TTC31: variants seen among roughly 807,000 people sequenced by gnomAD.
TTC31 encodes tetratricopeptide repeat domain 31, also known as tetratricopeptide repeat protein 31.
A neutral mutation model predicts 60.4 loss-of-function variants in TTC31; 59 were observed. That is an observed-to-expected ratio of 0.98 (90% CI 0.79 to 1.21). The LOEUF (loss-of-function observed/expected upper bound fraction) is 1.21. TTC31 is among the 50% of genes most tolerant of loss of function. The probability of loss-of-function intolerance (pLI) is 0.00; values close to 1 mark genes in which losing one functional copy is unlikely to be tolerated. For synonymous variants in TTC31, 225 were observed against 249.6 expected, an observed-to-expected ratio of 0.90 and a Z score of 0.93; for missense variants, 672 against 646.9, an observed-to-expected ratio of 1.04 and a Z score of -0.42.
In TTC31 at chr2:74,491,642, G is replaced by A; in HGVS notation, c.846G>A (p.Glu282=). The change falls in exon 8 of 13, where the codon GAG becomes GAA. Residue 282 remains glutamate (E), a synonymous_variant. Transcript: ENST00000233623. The part of the protein sequence containing the change: ...MGQEEESPPR[E]ERPQQSPKVQ... ...AAGAGGAAGAGAGCCCTCCAAGAGAGGAGAGGCCCCAGCAGAGTCCAAAGG... is the reference window on the plus strand; with the variant it reads ...AAGAGGAAGAGAGCCCTCCAAGAGAAGAGAGGCCCCAGCAGAGTCCAAAGG... The A allele has an allele frequency of 6.2e-7, 1 of 1,614,204 alleles. No homozygotes were observed. The highest frequency in any genetic ancestry group is 8.5e-7 in the Non-Finnish European group (1 of 1,180,016).
chr2:74,489,916 A>T (rs1475509277), intron 2 of TTC31, 109 bp from the exon 3 acceptor site: 2 of 770,704 alleles, frequency 2.6e-6, no homozygotes, highest in East Asian at 5.4e-5. Flanking sequence ...TCTGGGCTGG[A>T]TAGCTGGTTG....
intron 12 of TTC31, 83 bp from the exon 13 acceptor site, chr2:74,492,839 G>T (rs1674091641): frequency 5.0e-6 from 8 of 1,586,122 alleles, no homozygotes; most frequent in South Asian, 3.4e-5. Flanking sequence ...CTAAGGAGGG[G>T]GCGGGGAAGG....
intron 2 of TTC31, among the ~76,000 whole-genome samples, chr2:74,488,971 G>A (rs1673493658): frequency 6.6e-6 from 1 of 152,142 alleles, no homozygotes. Context: ...CAGGAGAATC[G>A]CTTGAACACG....
chr2:74,483,713 G>A (rs1358831639), intron 2 of TTC31: 4 of 903,302 alleles, frequency 4.4e-6, no homozygotes, highest in Admixed American at 3.5e-5. Flanking sequence ...GCGGTGGCTT[G>A]TGCCTGTAAT....
intron 5 of TTC31, 144 bp downstream of exon 5, chr2:74,490,883 G>C (rs1673784480): frequency 2.3e-5 from 22 of 961,408 alleles, no homozygotes; most frequent in Non-Finnish European, 3.1e-5. Context: ...CCAGGGACTG[G>C]GGGGTCTCTC....
In TTC31 at chr2:74,491,352, C is replaced by T. The variant is rs1174103536; in HGVS notation, c.661C>T (p.Gln221Ter). Residue 221 changes from glutamine (Q) to a stop codon, truncating the protein, a stop_gained, in exon 7 of 13, where the codon CAG (glutamine) becomes TAG (stop). Transcript: ENST00000233623. LOFTEE classifies it high-confidence loss of function. ...CCCATCCAGCCCTGGAAACCCAGTTCAGGGACAGTGTGGTGAAGAAGAGGT... is the reference window on the plus strand; with the variant it reads ...CCCATCCAGCCCTGGAAACCCAGTTTAGGGACAGTGTGGTGAAGAAGAGGT... ...SPPSSPGNPV[Q>*]GQCGEEEDSL... 2 of 1,614,208 alleles carry T rather than the reference C, an allele frequency of 1.2e-6. No individual in the cohort carries two copies. The highest frequency in any genetic ancestry group is 1.7e-5 in the Admixed American group (1 of 60,030).
intron 2 of TTC31, among the ~76,000 whole-genome samples, chr2:74,485,024 C>CTTT (rs544658393): frequency 7.1e-4 from 87 of 122,914 alleles, no homozygotes; most frequent in African/African-American, 2.4e-3. Context: ...CTAAAATTTA[C>CTTT]TTTTTTTTTT....
intron 2 of TTC31, among the ~76,000 whole-genome samples, chr2:74,486,512 A>G (rs962899762): frequency 2.4e-4 from 36 of 152,366 alleles, no homozygotes; most frequent in African/African-American, 8.4e-4. Context: ...AATAAACAAC[A>G]TAGTATGTCA....
chr2:74,490,017 C>G lies in TTC31; in HGVS notation c.130-8C>G, dbSNP rs746817938. The stretch of plus-strand genomic sequence containing the variant: ...ACCAGCCTCCCCTCCCCTCCCCTCC[C>G]CTCCCAGGACATAGTGGATTTTCTT... On this transcript the variant is annotated splice_region_variant and splice_polypyrimidine_tract_variant and intron_variant, in intron 2 of 12. Coordinates refer to ENST00000233623, the MANE Select transcript of TTC31 (RefSeq NM_022492.6). 6 of 1,543,332 alleles carry G rather than the reference C, an allele frequency of 3.9e-6. No individual in the cohort carries two copies. Among genetic ancestry groups the G allele is most frequent in the Non-Finnish European group, 5.3e-6 (6 of 1,138,862 alleles).
At chr2:74,487,437 C>T (rs573638673) in intron 2 of TTC31, among the ~76,000 whole-genome samples, 2 of 152,046 alleles carry the variant, frequency 1.3e-5, no homozygotes, top group East Asian at 1.9e-4. Flanking sequence ...AGGCTGGTCT[C>T]GAACTCCTGA....
chr2:74,492,379 C>T lies in TTC31; in HGVS notation c.1095C>T (p.Ala365=). 1.3e-6 allele frequency: 2 copies of T among 1,539,954 alleles called. No homozygotes were observed. The highest frequency in any genetic ancestry group is 1.7e-6 in the Non-Finnish European group (2 of 1,143,416). The part of the protein sequence containing the change: ...PAWALADAQV[A]LTLRPGWPRG... Reference sequence around the variant, plus strand: ...GGGCCCTGGCTGATGCCCAGGTGGCCCTTACCCTACGGCCTGGCTGGCCCC... The same window carrying T: ...GGGCCCTGGCTGATGCCCAGGTGGCTCTTACCCTACGGCCTGGCTGGCCCC... The change falls in exon 11 of 13, where the codon GCC becomes GCT. Residue 365 remains alanine (A), a synonymous_variant. Transcript: ENST00000233623.
chr2:74,492,518 C>A, intron 11 of TTC31, 73 bp downstream of exon 11: 2 of 1,532,470 alleles, frequency 1.3e-6, no homozygotes, highest in South Asian at 2.6e-5. Flanking sequence ...TGTTGACTTT[C>A]TAGATAAGCT....
rs1391920182 is a variant in TTC31, at chr2:74,492,151, G to A, written c.941G>A (p.Ser314Asn). The change falls in exon 10 of 13, where the codon AGC (serine) becomes AAC (asparagine). Residue 314 changes from serine (S) to asparagine (N), a missense_variant. Ser to Asn is a conservative substitution (Grantham distance 46). Transcript: ENST00000233623. ...QSQELAKLGT[S>N]FAQNGFYHEA... ...CTTTCCTTTCCAGAGTTGGGTACCA[G>A]CTTTGCTCAAAATGGTTTCTACCAT... 6.2e-7 allele frequency: 1 copy of A among 1,614,212 alleles called. No individual in the cohort carries two copies. The highest frequency in any genetic ancestry group is 1.1e-5 in the South Asian group (1 of 91,092).
chr2:74,491,840 G>A (rs1673932679), intron 8 of TTC31, 164 bp from the exon 9 acceptor site: 1 of 1,396,360 alleles, frequency 7.2e-7, no homozygotes, highest in East Asian at 2.5e-5. Flanking sequence ...GACCCCGGGT[G>A]GTTTCCTGTC....
At position 74,490,689 on chromosome 2, in the gene TTC31, G is replaced by A; in HGVS notation, c.496G>A (p.Glu166Lys). Residue 166 changes from glutamate (E) to lysine (K), a missense_variant, in exon 5 of 13, where the codon GAG becomes AAG. By Grantham distance (56) the Glu-to-Lys change is moderately conservative (BLOSUM62 1). Transcript: ENST00000233623. ...ANRLAEELVAEEERMKQKAEK... is the reference protein window; with the variant it reads ...ANRLAEELVAKEERMKQKAEK... ...TCGCCTGGCTGAGGAGCTGGTGGCT[G>A]AGGAGGAGCGCATGAAACAGAAAGC... 6.2e-7 allele frequency: 1 copy of A among 1,613,882 alleles called. No homozygotes were observed. Among genetic ancestry groups the A allele is most frequent in the Non-Finnish European group, 8.5e-7 (1 of 1,179,940 alleles).
Position 74,493,049 on chromosome 2 carries a change from C to A in TTC31, c.1391C>A (p.Ser464Tyr). The A allele has an allele frequency of 1.2e-6, 2 of 1,614,150 alleles. No homozygotes were observed. The highest frequency in any genetic ancestry group is 2.2e-5 in the East Asian group (1 of 44,890). The part of the protein sequence containing the change: ...LRCPRSTALR[S>Y]PGLSPLLHYP... ...TGCCCTCGAAGCACTGCTTTGAGGTCCCCTGGCCTGTCTCCACTCTTGCAT... is the reference window on the plus strand; with the variant it reads ...TGCCCTCGAAGCACTGCTTTGAGGTACCCTGGCCTGTCTCCACTCTTGCAT... The change falls in exon 13 of 13, where the codon TCC (serine) becomes TAC (tyrosine). Residue 464 changes from serine to tyrosine, a missense_variant. Coordinates refer to ENST00000233623, the MANE Select transcript of TTC31 (RefSeq NM_022492.6).
rs1329731533 is a variant in TTC31 at position 74,490,075 on chromosome 2, G to A, written c.180G>A (p.Leu60=). 2 of 1,586,010 alleles carry A rather than the reference G, an allele frequency of 1.3e-6. No homozygotes were observed. The highest frequency in any genetic ancestry group is 1.3e-5 in the African/African-American group (1 of 74,498). ...RRLVESDPQG[L]HRIHVDGSSG... ...TTGTGGAGAGTGATCCCCAGGGCCT[G>A]CACCGGATCCATGTGGATGGGAGCA... The change falls in exon 3 of 13, where the codon CTG becomes CTA. Residue 60 remains leucine, a synonymous_variant. Transcript: ENST00000233623.
At chr2:74,487,964 G>C (rs374686922) in intron 2 of TTC31, among the ~76,000 whole-genome samples, 6 of 152,094 alleles carry the variant, frequency 3.9e-5, no homozygotes, top group Non-Finnish European at 8.8e-5. Flanking sequence ...ACAGGCGTGA[G>C]CCACCATGCC....
chr2:74,485,534 G>A (rs2104114566), intron 2 of TTC31, among the ~76,000 whole-genome samples: 1 of 147,062 alleles, frequency 6.8e-6, no homozygotes, highest in Non-Finnish European at 1.5e-5. Flanking sequence ...GCAATGGTGT[G>A]ATCTTGGCTC....
Sources: allele counts gnomAD v4.1 joint callset (sites outside exome capture counted in the v4.1 genomes callset), GRCh38; gene constraint gnomAD v4.1.1; transcripts MANE v1.5; gene names NCBI Gene and HGNC (gene_info 2026-07-23, HGNC 2026-07-21).